ADGRB3: variants seen among roughly 807,000 people sequenced by gnomAD.
ADGRB3 encodes the protein brain-specific angiogenesis inhibitor 3.
Under a neutral mutation model 193.4 loss-of-function variants are expected in ADGRB3, and 37 were observed. The observed-to-expected ratio is 0.19, with a 90% CI of 0.15 to 0.25. The LOEUF is 0.25. ADGRB3 is among the 10% of genes least tolerant of loss of function. The pLI, the probability that ADGRB3 is intolerant of heterozygous loss-of-function variation, is 1.00. For synonymous variants in ADGRB3, 690 were observed against 644.2 expected (o/e 1.07, Z -1.08); for missense variants, 1,637 against 1,852.9 (o/e 0.88, Z 2.14).
chr6:68,648,234 G>A (rs1179523684), intron 3 of ADGRB3, among the ~76,000 whole-genome samples: 3 of 152,108 alleles, frequency 2.0e-5, no homozygotes, highest in Non-Finnish European at 2.9e-5. Flanking sequence ...GAATGAATAG[G>A]AGCCTTCCTG....
chr6:68,805,410 A>G lies in ADGRB3; in HGVS notation c.758-125149A>G, dbSNP rs113802505. Among the ~76,000 whole-genome samples the G allele has an allele frequency of 5.8e-3, 878 of 152,230 alleles. 8 individuals carry two copies. Among genetic ancestry groups the G allele is most frequent in the African/African-American group, 0.02 (845 of 41,542 alleles). ...GGTAGTCCATTACTCTTCTCAGTCT[A>G]TTTTTACATTATTTACTTTATTGAG... On this transcript the variant is annotated intron_variant, in intron 3 of 31. Coordinates refer to ENST00000370598, the MANE Select transcript of ADGRB3 (RefSeq NM_001704.3).
At chr6:68,651,902 A>G (rs1448091860) in intron 3 of ADGRB3, among the ~76,000 whole-genome samples, 1 of 152,120 alleles carries the variant, frequency 6.6e-6, no homozygotes, top group Non-Finnish European at 1.5e-5. Flanking sequence ...ACTTCCTTCC[A>G]TTGAAAACTA....
intron 3 of ADGRB3, among the ~76,000 whole-genome samples, chr6:68,720,648 T>C (rs1765559564): frequency 6.6e-6 from 1 of 151,732 alleles, no homozygotes; most frequent in Non-Finnish European, 1.5e-5. Context: ...TAGAATAAAG[T>C]ACAATATCTC....
intron 17 of ADGRB3, among the ~76,000 whole-genome samples, chr6:69,162,172 T>C (rs1775010889): frequency 6.6e-6 from 1 of 152,102 alleles, no homozygotes; most frequent in Admixed American, 6.6e-5. Flanking sequence ...GGTTCTAACA[T>C]GGACTGGTAC....
At chr6:69,031,037 C>CTCTCTTCTCT (rs749578717) in intron 13 of ADGRB3, among the ~76,000 whole-genome samples, 565 of 36,402 alleles carry the variant, frequency 0.016, 19 homozygotes, top group African/African-American at 0.034. Flanking sequence ...CTCTTCTCTT[C>CTCTCTTCTCT]TCTCTTCTCT....
At chr6:69,199,022 G>C (rs1392089028) in intron 17 of ADGRB3, among the ~76,000 whole-genome samples, 2 of 152,080 alleles carry the variant, frequency 1.3e-5, no homozygotes, top group Non-Finnish European at 2.9e-5. Flanking sequence ...CCATTACCTG[G>C]TTCTGTCAAA....
chr6:68,952,745 C>G (rs1413669915), intron 6 of ADGRB3, among the ~76,000 whole-genome samples: 1 of 151,962 alleles, frequency 6.6e-6, no homozygotes, highest in Non-Finnish European at 1.5e-5. Flanking sequence ...AAAATGCCCA[C>G]TTGATGTATC....
At chr6:68,965,553 A>T (rs748293533) in intron 8 of ADGRB3, among the ~76,000 whole-genome samples, 9 of 152,174 alleles carry the variant, frequency 5.9e-5, no homozygotes, top group Non-Finnish European at 4.4e-5. Flanking sequence ...CACAAAATTG[A>T]TTTAAGCCCT....
intron 17 of ADGRB3, among the ~76,000 whole-genome samples, chr6:69,211,022 T>C (rs1473445636): frequency 6.6e-6 from 1 of 151,528 alleles, no homozygotes; most frequent in African/African-American, 2.4e-5. Flanking sequence ...CGCGGGAGGC[T>C]GAGGCAGGAG....
At chr6:69,030,003 C>T (rs1343980404) in intron 13 of ADGRB3, among the ~76,000 whole-genome samples, 1 of 147,930 alleles carries the variant, frequency 6.8e-6, no homozygotes, top group Non-Finnish European at 1.5e-5. Context: ...CACACACACA[C>T]ATATATATAT....
intron 6 of ADGRB3, 88 bp from the exon 7 acceptor site, chr6:68,955,936 T>C: frequency 7.4e-7 from 1 of 1,360,442 alleles, no homozygotes; most frequent in Non-Finnish European, 1.0e-6. Flanking sequence ...TTGGGGTTCA[T>C]CTTCAAGGGT....
At chr6:69,012,705 T>A (rs544422260) in intron 11 of ADGRB3, among the ~76,000 whole-genome samples, 4 of 152,210 alleles carry the variant, frequency 2.6e-5, no homozygotes, top group Non-Finnish European at 5.9e-5. Flanking sequence ...CAGGTACTAT[T>A]AAAACAAATA....
chr6:69,032,745 G>A (rs1427760587), intron 13 of ADGRB3, among the ~76,000 whole-genome samples: 1 of 152,116 alleles, frequency 6.6e-6, no homozygotes, highest in Non-Finnish European at 1.5e-5. Flanking sequence ...TCAGATTGAA[G>A]ACTGTGCTTT....
At chr6:69,351,114 A>G (rs554403796) in intron 26 of ADGRB3, among the ~76,000 whole-genome samples, 2 of 144,500 alleles carry the variant, frequency 1.4e-5, no homozygotes, top group African/African-American at 5.2e-5. Context: ...TTTTTTTGAG[A>G]CATAGTCTTG....
intron 3 of ADGRB3, among the ~76,000 whole-genome samples, chr6:68,752,194 G>C (rs925632436): frequency 6.6e-6 from 1 of 151,580 alleles, no homozygotes; most frequent in African/African-American, 2.4e-5. Flanking sequence ...TTGAAATATG[G>C]AACTTAGTTA....
Position 68,991,318 on chromosome 6 carries a change from TAAAC to T in ADGRB3, c.1735-2446_1735-2443del, listed in dbSNP as rs147610985. 7.8e-3 allele frequency among the ~76,000 whole-genome samples: 1,183 copies of T among 152,072 alleles called. 9 individuals are homozygous for T. The highest frequency in any genetic ancestry group is 0.025 in the African/African-American group (1,021 of 41,504). The stretch of plus-strand genomic sequence containing the variant: ...GTTCTAGATAATGGGAATAAAATAA[TAAAC>T]AAAACCTCCTCCTTCAGAAGGCTTA... On this transcript the variant is annotated intron_variant, in intron 10 of 31. Transcript: ENST00000370598.
intron 17 of ADGRB3, among the ~76,000 whole-genome samples, chr6:69,143,884 T>C (rs1416205053): frequency 1.3e-5 from 2 of 152,230 alleles, no homozygotes; most frequent in Non-Finnish European, 2.9e-5. Flanking sequence ...TGGATCCATA[T>C]ACATTTCAGG....
chr6:69,209,476 C>T (rs1457808241), intron 17 of ADGRB3, among the ~76,000 whole-genome samples: 1 of 152,242 alleles, frequency 6.6e-6, no homozygotes, highest in Non-Finnish European at 1.5e-5. Context: ...CCAAATGTCT[C>T]ACCAGTAAGT....
At chr6:69,063,895 C>A (rs1444643088) in intron 16 of ADGRB3, among the ~76,000 whole-genome samples, 1 of 151,608 alleles carries the variant, frequency 6.6e-6, no homozygotes, top group Non-Finnish European at 1.5e-5. Context: ...TTTCATAGTT[C>A]CTGTATTAAA....
Sources: allele counts gnomAD v4.1 joint callset (sites outside exome capture counted in the v4.1 genomes callset), GRCh38; gene constraint gnomAD v4.1.1; transcripts MANE v1.5; gene names NCBI Gene and HGNC (gene_info 2026-07-23, HGNC 2026-07-21).